Variants in ADGRL2 observed in about 807,000 individuals in gnomAD.
The protein encoded by ADGRL2 is adhesion G protein-coupled receptor L2.
In ADGRL2, 44 loss-of-function variants were observed where a neutral mutation model predicts 157.4. That is an observed-to-expected ratio of 0.28 (90% CI 0.22 to 0.36). The LOEUF (loss-of-function observed/expected upper bound fraction) is 0.36. ADGRL2 is among the 10% of genes least tolerant of loss of function. The pLI is 1.00. For missense variants in ADGRL2, 1,510 were observed against 1,768.9 expected (o/e 0.85, Z 2.63); for synonymous variants, 585 against 624.7 (o/e 0.94, Z 0.95).
chr1:81,374,985 G>A (rs1489305528), intron 1 of ADGRL2, among the ~76,000 whole-genome samples: 1 of 152,170 alleles, frequency 6.6e-6, no homozygotes, highest in Non-Finnish European at 1.5e-5. Flanking sequence ...ACGGCTGGGT[G>A]AGATACCATG....
intron 3 of ADGRL2, among the ~76,000 whole-genome samples, chr1:81,627,464 TA>T: frequency 6.6e-6 from 1 of 152,306 alleles, no homozygotes; most frequent in East Asian, 1.9e-4. Flanking sequence ...ATAATACTAA[TA>T]ATAGCTATCA....
chr1:81,741,649 G>A (rs1270863953), intron 1 of ADGRL2, among the ~76,000 whole-genome samples: 2 of 151,920 alleles, frequency 1.3e-5, no homozygotes, highest in African/African-American at 4.8e-5. Context: ...TTCTTAGTAA[G>A]AGAAATCAAC....
chr1:81,986,181 T>G (rs1016672200), intron 21 of ADGRL2, among the ~76,000 whole-genome samples: 4 of 152,138 alleles, frequency 2.6e-5, no homozygotes, highest in Non-Finnish European at 5.9e-5. Flanking sequence ...TCAGTTAGAA[T>G]GAAAGACGTG....
intron 1 of ADGRL2, among the ~76,000 whole-genome samples, chr1:81,324,203 G>A (rs1351672909): frequency 6.6e-6 from 1 of 152,026 alleles, no homozygotes; most frequent in Non-Finnish European, 1.5e-5. Flanking sequence ...GAGAAAGAGA[G>A]ATTAAAAATA....
At chr1:81,875,665 A>G (rs1268339303) in intron 2 of ADGRL2, among the ~76,000 whole-genome samples, 1 of 152,166 alleles carries the variant, frequency 6.6e-6, no homozygotes, top group Non-Finnish European at 1.5e-5. Context: ...CATGTCCATA[A>G]TGGAAAAACA....
At chr1:81,723,458 T>C (rs1359238564) in intron 1 of ADGRL2, among the ~76,000 whole-genome samples, 4 of 152,212 alleles carry the variant, frequency 2.6e-5, no homozygotes, top group African/African-American at 9.6e-5. Context: ...TTCTTATATT[T>C]TTCTTTACTA....
At position 81,584,219 on chromosome 1, in the gene ADGRL2, T is replaced by C. The variant is rs1277944812; in HGVS notation, c.-143+3239T>C. On this transcript the variant is annotated intron_variant, in intron 3 of 24. Coordinates refer to the ADGRL2 transcript ENST00000370721. ...CTTTTGCTGTCAACGTTTTTCTTCA[T>C]CTATTCACTTCACACATCTCTTGTC... is the stretch of plus-strand genomic sequence containing the variant. Among the ~76,000 whole-genome samples the C allele has an allele frequency of 3.9e-5, 6 of 152,146 alleles. No homozygotes were observed. The East Asian group carries it at 1.2e-3, about 29-fold the overall frequency.
chr1:81,503,761 C>T (rs2078907839), intron 2 of ADGRL2, among the ~76,000 whole-genome samples: 2 of 152,250 alleles, frequency 1.3e-5, no homozygotes, highest in South Asian at 4.1e-4. Flanking sequence ...AGCCACCTCC[C>T]AGCTCGGGGC....
chr1:81,725,915 G>A (rs760385892), intron 1 of ADGRL2, among the ~76,000 whole-genome samples: 1 of 152,092 alleles, frequency 6.6e-6, no homozygotes, highest in African/African-American at 2.4e-5. Flanking sequence ...CCTGGGAGGC[G>A]GAGGTTGCAG....
At chr1:81,622,991 G>A (rs147613166) in intron 3 of ADGRL2, among the ~76,000 whole-genome samples, 29 of 152,278 alleles carry the variant, frequency 1.9e-4, no homozygotes, top group African/African-American at 5.8e-4. Flanking sequence ...GGTCATCAAT[G>A]TTACTCTGAG....
rs1023460050 is a variant in ADGRL2, at chr1:81,990,523, G to C, written c.3788G>C (p.Ser1263Thr). 1 of 1,614,116 alleles carries C rather than the reference G, an allele frequency of 6.2e-7. No individual in the cohort carries two copies. Among genetic ancestry groups the C allele is most frequent in the Non-Finnish European group, 8.5e-7 (1 of 1,179,996 alleles). Reference protein sequence around the residue: ...DSVQVVDCGLSLNDTAFEKMI... With the variant: ...DSVQVVDCGLTLNDTAFEKMI... Reference sequence around the variant, plus strand: ...GTGCAAGTTGTGGACTGTGGACTAAGTCTGAATGATACTGCTTTTGAGAAA... The same window carrying C: ...GTGCAAGTTGTGGACTGTGGACTAACTCTGAATGATACTGCTTTTGAGAAA... The change falls in exon 24 of 24, where the codon AGT becomes ACT. Residue 1263 changes from serine (S) to threonine (T), a missense_variant. Around this residue, in one of 4 missense-constraint regions of ADGRL2, gnomAD observed 327 missense variants for 310.1 expected, o/e 1.05. Transcript: ENST00000686636.
chr1:81,508,255 C>A (rs2079014720), intron 2 of ADGRL2, among the ~76,000 whole-genome samples: 1 of 152,206 alleles, frequency 6.6e-6, no homozygotes, highest in African/African-American at 2.4e-5. Context: ...CTTCTCGATG[C>A]ATGCATGTTC....
chr1:81,737,762 A>G (rs1370662945), intron 1 of ADGRL2, among the ~76,000 whole-genome samples: 1 of 152,248 alleles, frequency 6.6e-6, no homozygotes, highest in East Asian at 1.9e-4. Flanking sequence ...TAACCAACAG[A>G]ATGGTAGCTC....
chr1:81,626,167 C>T (rs1215418412), intron 3 of ADGRL2, among the ~76,000 whole-genome samples: 1 of 152,224 alleles, frequency 6.6e-6, no homozygotes, highest in Non-Finnish European at 1.5e-5. Flanking sequence ...GATTTTCTAG[C>T]AGTACTTCCC....
chr1:81,323,597 AGAG>A (rs1660687345), intron 1 of ADGRL2, among the ~76,000 whole-genome samples: 1 of 152,074 alleles, frequency 6.6e-6, no homozygotes, highest in Admixed American at 6.6e-5. Context: ...TTTATATTCA[AGAG>A]GAGAAGATAG....
intron 1 of ADGRL2, among the ~76,000 whole-genome samples, chr1:81,822,766 A>G (rs2091113439): frequency 6.6e-6 from 1 of 152,192 alleles, no homozygotes; most frequent in Non-Finnish European, 1.5e-5. Flanking sequence ...TGAAATTATT[A>G]TAAATTGTTT....
intron 3 of ADGRL2, among the ~76,000 whole-genome samples, chr1:81,936,004 G>A (rs182275049): frequency 6.1e-4 from 92 of 151,878 alleles, no homozygotes; most frequent in Middle Eastern, 3.4e-3. Flanking sequence ...GTGTTGAACC[G>A]AGGTACATAG....
chr1:81,398,520 A>G (rs1032159764), intron 1 of ADGRL2, among the ~76,000 whole-genome samples: 1 of 151,878 alleles, frequency 6.6e-6, no homozygotes, highest in Non-Finnish European at 1.5e-5. Context: ...TGTGATTATC[A>G]TCTTTTTCCT....
rs138622353 is a variant in ADGRL2 at position 81,814,135 on chromosome 1, G to A, written c.-101+13067G>A. ...GAAATAGATTGGTAACTGGTTTTCG[G>A]TTTAAAGTAACCATGATCTTGGTAA... On this transcript the variant is annotated intron_variant, in intron 1 of 23. Transcript: ENST00000686636. 1.8e-3 allele frequency among the ~76,000 whole-genome samples: 271 copies of A among 151,718 alleles called. 4 individuals are homozygous for A. Among genetic ancestry groups the A allele is most frequent in the African/African-American group, 6.1e-3 (253 of 41,470 alleles).
Sources: allele counts gnomAD v4.1 joint callset (sites outside exome capture counted in the v4.1 genomes callset), GRCh38; gene constraint gnomAD v4.1.1; regional missense constraint gnomAD v4.1.1; transcripts MANE v1.5; gene names NCBI Gene and HGNC (gene_info 2026-07-23, HGNC 2026-07-21).